LRRC8B: variants seen among roughly 807,000 people sequenced by gnomAD.
The protein encoded by LRRC8B is leucine rich repeat containing 8 VRAC subunit B, also known as volume-regulated anion channel subunit LRRC8B.
Under a neutral mutation model 58.8 loss-of-function variants are expected in LRRC8B, and 23 were observed. That is an observed-to-expected ratio of 0.39 (90% CI 0.28 to 0.55). The LOEUF is 0.55. Among genes scored for constraint, LRRC8B ranks in the 20% least tolerant of loss-of-function variants. The pLI, the probability that LRRC8B is intolerant of heterozygous loss-of-function variation, is 0.62. For missense variants in LRRC8B, 694 were observed against 936.0 expected (o/e 0.74, Z 3.37); for synonymous variants, 359 against 374.1 (o/e 0.96, Z 0.47).
In LRRC8B at chr1:89,592,860, T is replaced by A. The variant is rs751208968; in HGVS notation, c.2229T>A (p.His743Gln). The A allele has an allele frequency of 9.3e-6, 15 of 1,614,000 alleles. No homozygotes were observed. In the South Asian group the frequency reaches 1.5e-4, roughly 17 times the overall value. ...ATAGCTTGATGAATTTGTCCCCTCATGTGGGTGAGCTGTCAAACCTTACTC... is the reference window on the plus strand; with the variant it reads ...ATAGCTTGATGAATTTGTCCCCTCAAGTGGGTGAGCTGTCAAACCTTACTC... ...GKNSLMNLSP[H>Q]VGELSNLTHL... Residue 743 changes from histidine to glutamine, a missense_variant, in exon 6 of 6, where the codon CAT (histidine) becomes CAA (glutamine). His to Gln is a conservative substitution (Grantham distance 24, BLOSUM62 0). Coordinates refer to ENST00000330947, the MANE Select transcript of LRRC8B (RefSeq NM_001369817.2).
intron 1 of LRRC8B, among the ~76,000 whole-genome samples, chr1:89,552,738 G>A (rs17492028): frequency 0.23 from 34,286 of 152,116 alleles, 4,077 homozygotes; most frequent in South Asian, 0.33. Context: ...TGCTCCCTGT[G>A]TTCACCAGGC....
intron 1 of LRRC8B, among the ~76,000 whole-genome samples, chr1:89,526,645 C>T (rs1649720522): frequency 6.6e-6 from 1 of 152,208 alleles, no homozygotes; most frequent in South Asian, 2.1e-4. Context: ...TAAGCCCTAA[C>T]ATGTCTGATA....
intron 5 of LRRC8B, among the ~76,000 whole-genome samples, chr1:89,589,898 CG>C (rs902215662): frequency 1.4e-5 from 2 of 146,524 alleles, no homozygotes; most frequent in African/African-American, 4.9e-5. Context: ...ATCCTGTTCT[CG>C]GGGACTTCAA....
intron 1 of LRRC8B, among the ~76,000 whole-genome samples, chr1:89,525,411 C>T (rs1180787699): frequency 6.6e-6 from 1 of 152,232 alleles, no homozygotes; most frequent in East Asian, 1.9e-4. Context: ...AGGCTGGCGT[C>T]TCGCTCCAGA....
At chr1:89,542,906 G>C (rs910415147) in intron 1 of LRRC8B, among the ~76,000 whole-genome samples, 1 of 152,118 alleles carries the variant, frequency 6.6e-6, no homozygotes, top group Non-Finnish European at 1.5e-5. Flanking sequence ...TATGTACTGG[G>C]GGGACCTATT....
chr1:89,584,286 A>G lies in LRRC8B; in HGVS notation c.1636A>G (p.Lys546Glu), dbSNP rs1332552531. 1 of 1,613,930 alleles carries G rather than the reference A, an allele frequency of 6.2e-7. No homozygotes were observed. Among genetic ancestry groups the G allele is most frequent in the African/African-American group, 1.3e-5 (1 of 74,920 alleles). The part of the protein sequence containing the change: ...DLKNLRTLYL[K>E]SSLSRIPQVV... ...AAAAAATCTAAGGACCCTGTACTTGAAGAGCAGCCTCTCCCGGATCCCACA... is the reference window on the plus strand; with the variant it reads ...AAAAAATCTAAGGACCCTGTACTTGGAGAGCAGCCTCTCCCGGATCCCACA... Residue 546 changes from lysine to glutamate, a missense_variant, in exon 5 of 6, where the codon AAG becomes GAG. Coordinates refer to ENST00000330947, the MANE Select transcript of LRRC8B (RefSeq NM_001369817.2).
chr1:89,590,630 G>C (rs1288749663), intron 5 of LRRC8B, among the ~76,000 whole-genome samples: 2 of 152,224 alleles, frequency 1.3e-5, no homozygotes, highest in East Asian at 3.8e-4. Context: ...GAGACTGGTG[G>C]GAATGTGGTA....
chr1:89,592,728 C>T (rs777299702), intron 5 of LRRC8B, 43 bp from the exon 6 acceptor site: 2 of 1,580,270 alleles, frequency 1.3e-6, no homozygotes, highest in South Asian at 1.1e-5. Flanking sequence ...TCATAAGCCA[C>T]CAAAAACCTA....
intron 1 of LRRC8B, among the ~76,000 whole-genome samples, chr1:89,548,569 C>T (rs750418254): frequency 2.0e-5 from 3 of 152,038 alleles, no homozygotes; most frequent in African/African-American, 2.4e-5. Flanking sequence ...CTTAAGGTAA[C>T]GACAAAAAAA....
At chr1:89,560,295 T>C (rs946721867) in intron 1 of LRRC8B, among the ~76,000 whole-genome samples, 2 of 152,166 alleles carry the variant, frequency 1.3e-5, no homozygotes, top group Non-Finnish European at 2.9e-5. Flanking sequence ...ATTCCCCTCA[T>C]CCACCAATAT....
At chr1:89,567,188 A>T (rs895180593) in intron 1 of LRRC8B, among the ~76,000 whole-genome samples, 15 of 152,210 alleles carry the variant, frequency 9.9e-5, no homozygotes, top group African/African-American at 3.6e-4. Flanking sequence ...TGCTATTCTA[A>T]GAAGCATTGT....
chr1:89,529,968 G>A lies in LRRC8B; in HGVS notation c.-241+4946G>A, dbSNP rs767541188. ...AAAAATGCACATGTTCCCCACCCTC[G>A]TGGAGATCTGGGACCATACTGGGGA... On this transcript the variant is annotated intron_variant, in intron 1 of 5. Transcript: ENST00000330947. Among the ~76,000 whole-genome samples the A allele has an allele frequency of 1.0e-3, 155 of 151,908 alleles. 1 individual carries two copies. The highest frequency in any genetic ancestry group is 1.9e-3 in the Non-Finnish European group (131 of 67,912).
chr1:89,555,994 C>T (rs775364259), intron 1 of LRRC8B, among the ~76,000 whole-genome samples: 2 of 152,190 alleles, frequency 1.3e-5, no homozygotes, highest in Admixed American at 1.3e-4. Flanking sequence ...AATGTGGTAA[C>T]TCACTGTAGG....
At chr1:89,564,353 C>A (rs555755690) in intron 1 of LRRC8B, among the ~76,000 whole-genome samples, 17 of 152,148 alleles carry the variant, frequency 1.1e-4, no homozygotes, top group African/African-American at 4.1e-4. Flanking sequence ...TTTAGTTTTT[C>A]TAAAAGATAG....
intron 1 of LRRC8B, among the ~76,000 whole-genome samples, chr1:89,546,627 A>G (rs1480581091): frequency 6.6e-6 from 1 of 152,202 alleles, no homozygotes; most frequent in Non-Finnish European, 1.5e-5. Context: ...GGCAATAAAA[A>G]GCAAATTAAA....
Position 89,524,966 on chromosome 1 carries a change from G to C in LRRC8B, c.-297G>C, listed in dbSNP as rs1227596706. The stretch of plus-strand genomic sequence containing the variant: ...CGCGGGGCCGCAGCCTGCCCGCCCG[G>C]AGCGGCCCAGGAGCACGCCGCGGGG... On this transcript the variant is annotated 5_prime_UTR_variant, in exon 1 of 6. Transcript: ENST00000330947. 1 of 152,112 alleles carries C rather than the reference G, an allele frequency of 6.6e-6. No homozygotes were observed. The highest frequency in any genetic ancestry group is 1.5e-5 in the Non-Finnish European group (1 of 68,030). 9.4% of individuals were successfully genotyped at this position (152,112 alleles called of 1,614,324 possible). A position where few individuals can be genotyped will look rare whatever the true frequency, so the allele number is the denominator to read the frequency against.
intron 1 of LRRC8B, chr1:89,558,593 A>G (rs1227293407): frequency 6.6e-6 from 1 of 152,222 alleles, no homozygotes; most frequent in African/African-American, 2.4e-5. Context: ...ATTGGATTTG[A>G]GGGAATAGAG....
At chr1:89,545,156 A>G (rs559598456) in intron 1 of LRRC8B, among the ~76,000 whole-genome samples, 2 of 152,322 alleles carry the variant, frequency 1.3e-5, no homozygotes, top group South Asian at 4.1e-4. Flanking sequence ...TCTCTGCACT[A>G]TCACATTCCC....
intron 1 of LRRC8B, among the ~76,000 whole-genome samples, chr1:89,563,759 A>G (rs192814198): frequency 7.2e-5 from 11 of 152,338 alleles, no homozygotes; most frequent in African/African-American, 2.6e-4. Flanking sequence ...TAGTTGTCTC[A>G]ATTAATTCTT....
Sources: allele counts gnomAD v4.1 joint callset (sites outside exome capture counted in the v4.1 genomes callset), GRCh38; gene constraint gnomAD v4.1.1; transcripts MANE v1.5; gene names NCBI Gene and HGNC (gene_info 2026-07-23, HGNC 2026-07-21).